Variants in ZBTB20 observed in about 807,000 individuals in gnomAD.
ZBTB20 encodes the protein zinc finger and BTB domain-containing protein 20.
A neutral mutation model predicts 56.9 loss-of-function variants in ZBTB20; 9 were observed. The observed-to-expected ratio is 0.16, with a 90% CI of 0.10 to 0.28. The LOEUF (loss-of-function observed/expected upper bound fraction) is 0.28, where lower values mean the gene tolerates loss of function less well. ZBTB20 is among the 10% of genes least tolerant of loss of function. The pLI is 1.00. For missense variants in ZBTB20, 655 were observed against 1,003.0 expected (o/e 0.65, Z 4.69); for synonymous variants, 417 against 420.7 (o/e 0.99, Z 0.11).
chr3:114,354,269 G>A (rs2080984404), intron 10 of ZBTB20, among the ~76,000 whole-genome samples: 1 of 152,152 alleles, frequency 6.6e-6, no homozygotes, highest in Non-Finnish European at 1.5e-5. Context: ...AAAACAATAA[G>A]CAGTAAAACT....
chr3:114,535,461 T>G (rs2048349349), intron 6 of ZBTB20, among the ~76,000 whole-genome samples: 1 of 152,190 alleles, frequency 6.6e-6, no homozygotes, highest in Non-Finnish European at 1.5e-5. Flanking sequence ...AATCCCTGAA[T>G]AGACCAATAA....
chr3:114,983,537 C>G (rs1034064758), intron 2 of ZBTB20, among the ~76,000 whole-genome samples: 1 of 151,964 alleles, frequency 6.6e-6, no homozygotes, highest in African/African-American at 2.4e-5. Context: ...ACTCTCAAGT[C>G]TGTACCCAAG....
At chr3:114,368,723 G>T (rs1256518956) in intron 10 of ZBTB20, among the ~76,000 whole-genome samples, 1 of 152,248 alleles carries the variant, frequency 6.6e-6, no homozygotes, top group African/African-American at 2.4e-5. Context: ...TCTGGAGCAG[G>T]GCTGGAAGTG....
rs2079043558 is a variant in ZBTB20 at position 114,325,774 on chromosome 3, T to C, written c.*13231A>G. On this transcript the variant is annotated 3_prime_UTR_variant, in exon 12 of 12. Transcript: ENST00000675478. ...AAGATTGAGCCAAGAATGTCAATTATAGCACAAAAGAAAGGTTACAAAAAC... is the reference window on the plus strand; with the variant it reads ...AAGATTGAGCCAAGAATGTCAATTACAGCACAAAAGAAAGGTTACAAAAAC... The C allele has an allele frequency of 1.3e-5, 2 of 152,206 alleles. No individual in the cohort carries two copies. The highest frequency in any genetic ancestry group is 2.9e-5 in the Non-Finnish European group (2 of 68,042). 9.4% of individuals were successfully genotyped at this position (152,206 alleles called of 1,614,324 possible).
intron 6 of ZBTB20, among the ~76,000 whole-genome samples, chr3:114,605,515 G>C (rs749568631): frequency 1.3e-5 from 2 of 152,172 alleles, no homozygotes; most frequent in Admixed American, 6.5e-5. Context: ...TAAACACCAA[G>C]TATGTTCTGT....
intron 2 of ZBTB20, among the ~76,000 whole-genome samples, chr3:115,068,829 A>G (rs1560543896): frequency 6.6e-6 from 1 of 152,090 alleles, no homozygotes; most frequent in Non-Finnish European, 1.5e-5. Flanking sequence ...TTTTTAAAAA[A>G]TTAGAAAAAT....
At chr3:114,959,669 G>GAT (rs1312293513) in intron 3 of ZBTB20, among the ~76,000 whole-genome samples, 2 of 149,498 alleles carry the variant, frequency 1.3e-5, no homozygotes, top group East Asian at 3.9e-4. Flanking sequence ...AAAAACAAAA[G>GAT]ATATATATGT....
chr3:114,643,525 G>C (rs1401468296), intron 6 of ZBTB20, among the ~76,000 whole-genome samples: 1 of 152,090 alleles, frequency 6.6e-6, no homozygotes, highest in African/African-American at 2.4e-5. Context: ...AAAGAGTGAA[G>C]CAATAGTGGG....
chr3:114,772,422 G>T (rs756205228), intron 5 of ZBTB20, among the ~76,000 whole-genome samples: 7 of 151,946 alleles, frequency 4.6e-5, no homozygotes, highest in African/African-American at 9.7e-5. Flanking sequence ...TTTCCCAGCT[G>T]GGCTCTCTCT....
At chr3:114,397,167 A>C (rs2108672486) in intron 7 of ZBTB20, among the ~76,000 whole-genome samples, 1 of 152,204 alleles carries the variant, frequency 6.6e-6, no homozygotes. Flanking sequence ...AATCTGTATC[A>C]CCATTCTCCA....
rs2079604470 is a variant in ZBTB20, at chr3:114,339,531, A to G, written c.1805-105T>C. ...GACAACAAAAAAGAAAAATAAAACAATTAAAAAATAAAATTTGATTGCTTA... is the reference window on the plus strand; with the variant it reads ...GACAACAAAAAAGAAAAATAAAACAGTTAAAAAATAAAATTTGATTGCTTA... On this transcript the variant is annotated intron_variant, in intron 11 of 11. Transcript: ENST00000675478. This position sits in a 1 kb window ranked among gnomAD's most constrained non-coding sequence, Gnocchi z 4.2. 7.8e-7 allele frequency: 1 copy of G among 1,280,900 alleles called. No homozygotes were observed. Among genetic ancestry groups the G allele is most frequent in the Non-Finnish European group, 1.0e-6 (1 of 955,326 alleles). 79.3% of individuals were successfully genotyped at this position (1,280,900 alleles called of 1,614,324 possible). A position where few individuals can be genotyped will look rare whatever the true frequency, so the allele number is the denominator to read the frequency against.
At chr3:114,605,189 A>T (rs1031642129) in intron 6 of ZBTB20, among the ~76,000 whole-genome samples, 2 of 152,040 alleles carry the variant, frequency 1.3e-5, no homozygotes, top group Admixed American at 6.6e-5. Flanking sequence ...TAATAGTATA[A>T]TTTTTTTGTA....
At chr3:114,793,863 C>T (rs1469696614) in intron 5 of ZBTB20, among the ~76,000 whole-genome samples, 2 of 152,034 alleles carry the variant, frequency 1.3e-5, no homozygotes, top group African/African-American at 2.4e-5. Context: ...CATCAATCTA[C>T]AGTCAATGCT....
chr3:114,645,114 G>A (rs892304248), intron 6 of ZBTB20, among the ~76,000 whole-genome samples: 3 of 151,958 alleles, frequency 2.0e-5, no homozygotes, highest in Admixed American at 6.6e-5. Flanking sequence ...AAAGACATAC[G>A]AAATTACAGT....
At chr3:114,946,988 G>A (rs1207098848) in intron 3 of ZBTB20, among the ~76,000 whole-genome samples, 1 of 144,950 alleles carries the variant, frequency 6.9e-6, no homozygotes, top group Non-Finnish European at 1.5e-5. Flanking sequence ...CTATCAAAAC[G>A]TGGGCAAAAG....
intron 4 of ZBTB20, among the ~76,000 whole-genome samples, chr3:114,844,855 TTTTTC>T (rs1384270355): frequency 1.1e-4 from 6 of 56,356 alleles, no homozygotes; most frequent in Non-Finnish European, 2.4e-4. Context: ...CATCTTTTTC[TTTTTC>T]TTTTTTTTTT....
intron 6 of ZBTB20, among the ~76,000 whole-genome samples, chr3:114,602,923 G>A (rs1173035675): frequency 6.6e-6 from 1 of 151,842 alleles, no homozygotes; most frequent in Non-Finnish European, 1.5e-5. Flanking sequence ...TTATACAAAG[G>A]GAAATCATGG....
At chr3:114,847,804 G>C (rs1356486809) in intron 4 of ZBTB20, among the ~76,000 whole-genome samples, 1 of 152,146 alleles carries the variant, frequency 6.6e-6, no homozygotes, top group Non-Finnish European at 1.5e-5. Context: ...TAAGCACTTA[G>C]TCCAGGGTTC....
intron 8 of ZBTB20, among the ~76,000 whole-genome samples, chr3:114,384,116 CTCTCTCTCTCTCAT>C (rs1291384341): frequency 6.7e-5 from 10 of 149,920 alleles, no homozygotes; most frequent in African/African-American, 2.3e-4. Flanking sequence ...CTCTCTCTCT[CTCTCTCTCTCTCAT>C]TCTCTCTCTC....
Sources: allele counts gnomAD v4.1 joint callset (sites outside exome capture counted in the v4.1 genomes callset), GRCh38; gene constraint gnomAD v4.1.1; non-coding constraint Gnocchi (gnomAD v3.1); transcripts MANE v1.5; gene names NCBI Gene and HGNC (gene_info 2026-07-23, HGNC 2026-07-21).